Variants in MATN1 observed in about 807,000 individuals in gnomAD.
MATN1 encodes matrilin 1.
MATN1 carries 34 observed loss-of-function variants against 41.3 expected under a neutral mutation model. The observed-to-expected ratio is 0.82, with a 90% CI of 0.63 to 1.10. The LOEUF (loss-of-function observed/expected upper bound fraction) is 1.10. MATN1 is among the 50% of genes least tolerant of loss of function. MATN1 has a pLI of 0.00. For missense variants in MATN1, 602 were observed against 662.4 expected (o/e 0.91, Z 1.00); for synonymous variants, 264 against 278.7 (o/e 0.95, Z 0.53).
At chr1:30,714,029 G>A in intron 7 of MATN1, 2 of 595,150 alleles carry the variant, frequency 3.4e-6, no homozygotes, top group Non-Finnish European at 6.0e-6. Flanking sequence ...CTAGATCCTG[G>A]CTTCTGCCTC....
chr1:30,721,018 G>A (rs1467882974), intron 2 of MATN1: 1 of 202,542 alleles, frequency 4.9e-6, no homozygotes, highest in African/African-American at 2.3e-5. Context: ...CACTTGCTCG[G>A]GGTGGCACAG....
chr1:30,716,066 C>G lies in MATN1; in HGVS notation c.1050G>C (p.Lys350Asn). ...TGAGAGCAGCCCCAGTCATTGTGCC[C>G]TTCTCCATGTAGGACATATTCCGCA... ...AAVRNMSYMEKGTMTGAALKY... is the reference protein window; with the variant it reads ...AAVRNMSYMENGTMTGAALKY... The change falls in exon 5 of 8, where the codon AAG becomes AAC. Residue 350 changes from lysine to asparagine, a missense_variant. Transcript: ENST00000373765. 1.2e-6 allele frequency: 2 copies of G among 1,614,226 alleles called. No homozygotes were observed. Among genetic ancestry groups the G allele is most frequent in the Admixed American group, 1.7e-5 (1 of 60,030 alleles).
chr1:30,715,359 A>G (rs544767800), intron 5 of MATN1, 50 bp from the exon 6 acceptor site: 19 of 1,598,482 alleles, frequency 1.2e-5, no homozygotes, highest in East Asian at 4.5e-5. Flanking sequence ...ATGGGCAACC[A>G]TATGGCTGAG....
At chr1:30,715,078 A>C in intron 6 of MATN1, 79 bp downstream of exon 6, 1 of 1,556,268 alleles carries the variant, frequency 6.4e-7, no homozygotes. Context: ...TTCCCCACCC[A>C]CACCCAGTTC....
rs77413864 is a variant in MATN1 at position 30,716,767 on chromosome 1, G to C, written c.790+23C>G. 5.0e-6 allele frequency: 8 copies of C among 1,611,920 alleles called. No homozygotes were observed. The Admixed American group carries it at 8.3e-5, about 17-fold the overall frequency. On this transcript the variant is annotated intron_variant, in intron 4 of 7. Transcript: ENST00000373765. ...CTCCCCTCCACACCCTCTCCAGGGCGAGCCTGTGTCCACCCCACTGACCAT... is the reference window on the plus strand; with the variant it reads ...CTCCCCTCCACACCCTCTCCAGGGCCAGCCTGTGTCCACCCCACTGACCAT...
In MATN1 at chr1:30,716,243, AAAGTTCT is replaced by A; in HGVS notation, c.866_872del (p.Glu289ValfsTer4). 8 of 1,614,186 alleles carry A rather than the reference AAAGTTCT, an allele frequency of 5.0e-6. No homozygotes were observed. The highest frequency in any genetic ancestry group is 5.9e-6 in the Non-Finnish European group (7 of 1,180,030). On this transcript the variant is annotated frameshift_variant, in exon 5 of 8. Coordinates refer to ENST00000373765, the MANE Select transcript of MATN1 (RefSeq NM_002379.3). LOFTEE classifies it high-confidence loss of function. ...GACTGATGAACTTCTTCACCAGCTC[AAAGTTCT>A]CTGGCCTCACACTCTTGGATCCGTC...
chr1:30,718,679 C>A, intron 3 of MATN1, 56 bp downstream of exon 3: 2 of 1,385,434 alleles, frequency 1.4e-6, no homozygotes, highest in Non-Finnish European at 1.9e-6. Context: ...GGCCCCGCCC[C>A]GCCGCTCTCC....
At chr1:30,719,259 T>A in intron 2 of MATN1, 2 of 357,366 alleles carry the variant, frequency 5.6e-6, no homozygotes, top group Non-Finnish European at 1.0e-5. Flanking sequence ...CCCCTCAGAC[T>A]GAGGCGGCTG....
chr1:30,718,624 C>T, intron 3 of MATN1, 111 bp downstream of exon 3: 1 of 345,748 alleles, frequency 2.9e-6, no homozygotes, highest in African/African-American at 2.7e-5. Context: ...CCTGCGCCGG[C>T]GCTGGCTCCG....
chr1:30,716,921 G>A lies in MATN1; in HGVS notation c.665-6C>T. On this transcript the variant is annotated splice_region_variant and splice_polypyrimidine_tract_variant and intron_variant, in intron 3 of 7. Coordinates refer to ENST00000373765, the MANE Select transcript of MATN1 (RefSeq NM_002379.3). ...GGCGCACAGGTCTGACACCACTGCGGGGACAATAAGTAGCTCAGATCTCAC... is the reference window on the plus strand; with the variant it reads ...GGCGCACAGGTCTGACACCACTGCGAGGACAATAAGTAGCTCAGATCTCAC... 6.2e-7 allele frequency: 1 copy of A among 1,610,790 alleles called. No individual in the cohort carries two copies. The highest frequency in any genetic ancestry group is 1.1e-5 in the South Asian group (1 of 90,490).
chr1:30,719,012 C>T, intron 2 of MATN1, 55 bp from the exon 3 acceptor site: 1 of 1,314,180 alleles, frequency 7.6e-7, no homozygotes, highest in South Asian at 1.7e-5. Context: ...CGGGACTGTC[C>T]AGGAGAGGAG....
At chr1:30,717,979 C>G (rs917997358) in intron 3 of MATN1, among the ~76,000 whole-genome samples, 6 of 152,174 alleles carry the variant, frequency 3.9e-5, no homozygotes, top group African/African-American at 1.4e-4. Context: ...CATCGCCTCT[C>G]CCCAACTCCC....
At chr1:30,719,365 T>G (rs1569833966) in intron 2 of MATN1, 2 of 193,702 alleles carry the variant, frequency 1.0e-5, no homozygotes, top group East Asian at 1.3e-4. Context: ...GATCCGGTGG[T>G]TCCACATGGT....
At chr1:30,717,055 C>A (rs1639627625) in intron 3 of MATN1, 140 bp from the exon 4 acceptor site, 2 of 928,406 alleles carry the variant, frequency 2.2e-6, no homozygotes, top group African/African-American at 1.7e-5. Flanking sequence ...GGGGCCCAGG[C>A]CCCCGACTCT....
rs1378579499 is a variant in MATN1 at position 30,716,850 on chromosome 1, A to G, written c.730T>C (p.Ser244Pro). 6.2e-7 allele frequency: 1 copy of G among 1,613,884 alleles called. No homozygotes were observed. The highest frequency in any genetic ancestry group is 1.3e-5 in the African/African-American group (1 of 75,016). The change falls in exon 4 of 8, where the codon TCC becomes CCC. Residue 244 changes from serine to proline, a missense_variant. Transcript: ENST00000373765. ...CEQVCISSPG[S>P]YTCACHEGFT... The stretch of plus-strand genomic sequence containing the variant: ...CCCTCGTGGCAGGCGCAGGTGTAGG[A>G]ACCGGGGGAGCTGATGCACACCTGC...
intron 5 of MATN1, among the ~76,000 whole-genome samples, chr1:30,715,550 AC>A (rs1365123919): frequency 6.6e-6 from 1 of 152,158 alleles, no homozygotes; most frequent in Non-Finnish European, 1.5e-5. Context: ...GCTTCATTTA[AC>A]CCTAATAATC....
rs1022596265 is a variant in MATN1, at chr1:30,712,873, A to T, written c.*709T>A. 5 of 152,380 alleles carry T rather than the reference A, an allele frequency of 3.3e-5. No individual in the cohort carries two copies. Among genetic ancestry groups the T allele is most frequent in the Admixed American group, 3.3e-4 (5 of 15,308 alleles). 9.4% of individuals were successfully genotyped at this position (152,380 alleles called of 1,614,324 possible). Reference sequence around the variant, plus strand: ...TTCAAGTCCTGTCTCTCAGCGACCCACTGCTGAGCAAGTCATTTCATCATT... The same window carrying T: ...TTCAAGTCCTGTCTCTCAGCGACCCTCTGCTGAGCAAGTCATTTCATCATT... On this transcript the variant is annotated 3_prime_UTR_variant, in exon 8 of 8. Coordinates refer to ENST00000373765, the MANE Select transcript of MATN1 (RefSeq NM_002379.3).
chr1:30,716,874 G>T lies in MATN1; in HGVS notation c.706C>A (p.Gln236Lys). ...GAACCGGGGGAGCTGATGCACACCT[G>T]CTCACAGTCATGGTCCCCTGTGGCG... ...LCATGDHDCE[Q>K]VCISSPGSYT... Residue 236 changes from glutamine (Q) to lysine (K), a missense_variant, in exon 4 of 8, where the codon CAG becomes AAG. By Grantham distance (53) the Gln-to-Lys change is moderately conservative. Coordinates refer to ENST00000373765, the MANE Select transcript of MATN1 (RefSeq NM_002379.3). 1 of 1,613,672 alleles carries T rather than the reference G, an allele frequency of 6.2e-7. No homozygotes were observed. The highest frequency in any genetic ancestry group is 8.5e-7 in the Non-Finnish European group (1 of 1,179,866).
At chr1:30,715,468 C>A (rs1041697164) in intron 5 of MATN1, among the ~76,000 whole-genome samples, 159 bp from the exon 6 acceptor site, 1 of 152,174 alleles carries the variant, frequency 6.6e-6, no homozygotes, top group Non-Finnish European at 1.5e-5. Context: ...ATGAGAAAAT[C>A]AATATTTACT....
Sources: gnomAD v4.1 joint callset for allele counts (sites outside exome capture counted in the v4.1 genomes callset) on GRCh38, gnomAD v4.1.1 for gene constraint, MANE v1.5 for transcripts, NCBI Gene and HGNC (gene_info 2026-07-23, HGNC 2026-07-21) for gene names.